Variants in ANK3 observed in about 807,000 individuals in gnomAD.
ANK3 encodes the protein ankyrin 3.
In ANK3, 57 loss-of-function variants were observed where a neutral mutation model predicts 370.9. The ratio of observed to expected loss-of-function variants is 0.15; its 90% confidence interval spans 0.12 to 0.19. The LOEUF is 0.19. Ranked by LOEUF, ANK3 falls within the 10% of genes least tolerant of loss-of-function variation. The pLI is 1.00. For synonymous variants in ANK3, 1,929 were observed against 1,946.3 expected, an observed-to-expected ratio of 0.99 and a Z score of 0.23; for missense variants, 4,439 against 5,302.1, an observed-to-expected ratio of 0.84 and a Z score of 5.06.
intron 2 of ANK3, among the ~76,000 whole-genome samples, chr10:60,464,960 C>A (rs1446486457): frequency 6.6e-6 from 1 of 152,106 alleles, no homozygotes; most frequent in African/African-American, 2.4e-5. Context: ...CTGTGATAAA[C>A]CAGATTCTCA....
rs140463162 is a variant in ANK3 at position 60,073,926 on chromosome 10, C to T, written c.6955G>A (p.Asp2319Asn). The T allele has an allele frequency of 3.3e-3, 5,285 of 1,613,922 alleles. 25 individuals are homozygous for T. Among genetic ancestry groups the T allele is most frequent in the Non-Finnish European group, 3.2e-3 (3,734 of 1,179,970 alleles). ...TCCAGTTTGGGTTTCATTTGGTTGTCCTTCTCTGCATGCTGGGCTGAGGTT... is the reference window on the plus strand; with the variant it reads ...TCCAGTTTGGGTTTCATTTGGTTGTTCTTCTCTGCATGCTGGGCTGAGGTT... Reference protein sequence around the residue: ...AETSAQHAEKDNQMKPKLERI... With the variant: ...AETSAQHAEKNNQMKPKLERI... Residue 2319 changes from aspartate to asparagine, a missense_variant, in exon 37 of 44, where the codon GAC becomes AAC. By Grantham distance (23) the Asp-to-Asn change is conservative. Transcript: ENST00000280772.
At chr10:60,517,719 T>C (rs1393184244) in intron 2 of ANK3, among the ~76,000 whole-genome samples, 3 of 151,784 alleles carry the variant, frequency 2.0e-5, no homozygotes, top group Non-Finnish European at 4.4e-5. Context: ...CTGTAAAATA[T>C]AGACCAATAT....
chr10:60,452,120 C>A (rs2064622127), intron 2 of ANK3, among the ~76,000 whole-genome samples: 1 of 152,234 alleles, frequency 6.6e-6, no homozygotes, highest in African/African-American at 2.4e-5. Context: ...ATCCCCATGA[C>A]CCTAGGGGTA....
chr10:60,267,224 G>A (rs578096674), intron 5 of ANK3, among the ~76,000 whole-genome samples: 1 of 152,138 alleles, frequency 6.6e-6, no homozygotes, highest in African/African-American at 2.4e-5. Context: ...TGTAAATACA[G>A]ACTTCTCTAT....
rs922398478 is a variant in ANK3 at position 60,187,020 on chromosome 10, A to C, written c.1888-108T>G. ...TTCTAGTGGTTTTCTATGATTGCTT[A>C]AGAAATCATGATTAAGTAAGCAAAT... On this transcript the variant is annotated intron_variant, in intron 16 of 43. Transcript: ENST00000280772. The C allele has an allele frequency of 1.7e-5, 19 of 1,101,494 alleles. No homozygotes were observed. The African/African-American group carries it at 2.2e-4, about 12-fold the overall frequency. 68.2% of individuals were successfully genotyped at this position (1,101,494 alleles called of 1,614,324 possible).
intron 2 of ANK3, among the ~76,000 whole-genome samples, chr10:60,431,155 T>C (rs769652724): frequency 2.0e-5 from 3 of 152,316 alleles, no homozygotes; most frequent in Non-Finnish European, 4.4e-5. Context: ...ATGTAGTCAG[T>C]GGGAGCCCTG....
intron 8 of ANK3, among the ~76,000 whole-genome samples, chr10:60,226,892 T>A (rs183436995): frequency 2.2e-4 from 34 of 151,142 alleles, no homozygotes; most frequent in Middle Eastern, 3.4e-3. Context: ...CTATTACATA[T>A]CATAGACCTC....
chr10:60,273,185 G>A (rs2098027722), intron 4 of ANK3, among the ~76,000 whole-genome samples: 1 of 152,206 alleles, frequency 6.6e-6, no homozygotes, highest in African/African-American at 2.4e-5. Context: ...AACAGCCACA[G>A]CAAGATGCAG....
At chr10:60,658,233 T>A (rs7898504) in intron 1 of ANK3, among the ~76,000 whole-genome samples, 94,737 of 145,464 alleles carry the variant, frequency 0.65, 30,018 homozygotes, top group South Asian at 0.78. Flanking sequence ...AAAAAAAAAA[T>A]GTCTCATCCT....
intron 1 of ANK3, among the ~76,000 whole-genome samples, chr10:60,359,791 C>T (rs1313238338): frequency 1.3e-5 from 2 of 152,060 alleles, no homozygotes; most frequent in Non-Finnish European, 2.9e-5. Flanking sequence ...AGAGAAAGCC[C>T]CTGTCTCTAA....
intron 42 of ANK3, among the ~76,000 whole-genome samples, chr10:60,054,814 A>G (rs576546041): frequency 3.5e-4 from 53 of 152,366 alleles, no homozygotes; most frequent in Non-Finnish European, 5.4e-4. Context: ...ATCTCTGTCT[A>G]TTGCAGAATT....
chr10:60,428,881 C>T (rs990659855), intron 2 of ANK3, among the ~76,000 whole-genome samples: 2 of 152,106 alleles, frequency 1.3e-5, no homozygotes, highest in African/African-American at 4.8e-5. Context: ...TCTTAACTTG[C>T]CTTCTGTGTT....
intron 4 of ANK3, among the ~76,000 whole-genome samples, chr10:60,272,357 T>C (rs1324950895): frequency 1.3e-5 from 2 of 152,172 alleles, no homozygotes; most frequent in South Asian, 4.1e-4. Context: ...CTTTTTCTCA[T>C]AGCTAAACTA....
chr10:60,051,579 A>G, intron 42 of ANK3: 1 of 976,688 alleles, frequency 1.0e-6, no homozygotes, highest in African/African-American at 1.8e-5. Flanking sequence ...ATGCATTTTT[A>G]GTATAATTTT....
At chr10:60,595,522 C>T (rs2077975757) in intron 2 of ANK3, among the ~76,000 whole-genome samples, 2 of 152,066 alleles carry the variant, frequency 1.3e-5, no homozygotes, top group Non-Finnish European at 2.9e-5. Context: ...CTGAAAAATG[C>T]CTCGAACACC....
At chr10:60,662,963 C>G (rs1454273417) in intron 1 of ANK3, among the ~76,000 whole-genome samples, 1 of 152,104 alleles carries the variant, frequency 6.6e-6, no homozygotes, top group African/African-American at 2.4e-5. Context: ...TACAAATAAG[C>G]CTTACATAAA....
intron 28 of ANK3, among the ~76,000 whole-genome samples, chr10:60,099,700 A>T (rs1035337384): frequency 4.6e-5 from 7 of 152,222 alleles, no homozygotes; most frequent in African/African-American, 1.7e-4. Context: ...TCTAAGGGAA[A>T]AATCAATTAA....
At chr10:60,555,465 C>A (rs555363205) in intron 2 of ANK3, among the ~76,000 whole-genome samples, 110 of 151,374 alleles carry the variant, frequency 7.3e-4, no homozygotes, top group African/African-American at 2.4e-3. Context: ...AGAGTGGGAC[C>A]CTGTCTCCAA....
At chr10:60,063,293 T>A in intron 39 of ANK3, 39 bp from the exon 40 acceptor site, 1 of 1,578,596 alleles carries the variant, frequency 6.3e-7, no homozygotes, top group Non-Finnish European at 8.6e-7. Context: ...CCAATTAAAT[T>A]ATGTTCTTTC....
Sources: gnomAD v4.1 joint callset for allele counts (sites outside exome capture counted in the v4.1 genomes callset) on GRCh38, gnomAD v4.1.1 for gene constraint, MANE v1.5 for transcripts, NCBI Gene and HGNC (gene_info 2026-07-23, HGNC 2026-07-21) for gene names.